APLP2: variants seen among roughly 807,000 people sequenced by gnomAD.
The protein encoded by APLP2 is amyloid beta precursor like protein 2.
In APLP2, 53 loss-of-function variants were observed where a neutral mutation model predicts 89.9. The ratio of observed to expected loss-of-function variants is 0.59; its 90% confidence interval spans 0.47 to 0.74. The LOEUF (loss-of-function observed/expected upper bound fraction) is 0.74, where lower values mean the gene tolerates loss of function less well. APLP2 is among the 30% of genes least tolerant of loss of function. The probability of loss-of-function intolerance (pLI) is 0.00; values close to 1 mark genes in which losing one functional copy is unlikely to be tolerated. For synonymous variants in APLP2, 372 were observed against 348.6 expected, an observed-to-expected ratio of 1.07 and a Z score of -0.75; for missense variants, 973 against 975.9, an observed-to-expected ratio of 1.00 and a Z score of 0.04.
At position 130,109,548 on chromosome 11, in the gene APLP2, A is replaced by G. The variant is rs1450738372; in HGVS notation, c.225A>G (p.Thr75=). ...IQTGKWEPDP[T]GTKSCFETKE... ...CTGGGAAATGGGAACCTGATCCAACAGGCACCAAGAGCTGCTTTGAAACAA... is the reference window on the plus strand; with the variant it reads ...CTGGGAAATGGGAACCTGATCCAACGGGCACCAAGAGCTGCTTTGAAACAA... The change falls in exon 2 of 17, where the codon ACA becomes ACG. Residue 75 remains threonine (T), a synonymous_variant. Coordinates refer to ENST00000338167, the MANE Select transcript of APLP2 (RefSeq NM_001142276.2). 2 of 1,613,516 alleles carry G rather than the reference A, an allele frequency of 1.2e-6. No individual in the cohort carries two copies. Among genetic ancestry groups the G allele is most frequent in the Admixed American group, 1.7e-5 (1 of 59,920 alleles).
intron 7 of APLP2, among the ~76,000 whole-genome samples, chr11:130,125,423 T>C (rs572649643): frequency 6.0e-4 from 92 of 152,288 alleles, no homozygotes; most frequent in South Asian, 5.6e-3. Context: ...CCACTGAACT[T>C]GCGAGTGTCT....
intron 9 of APLP2, among the ~76,000 whole-genome samples, chr11:130,128,230 A>T (rs1950583132): frequency 6.6e-6 from 1 of 152,182 alleles, no homozygotes; most frequent in Non-Finnish European, 1.5e-5. Context: ...TTCATCTCTA[A>T]CTTTGTAGAC....
chr11:130,122,873 G>A (rs895996972), intron 6 of APLP2, among the ~76,000 whole-genome samples: 1 of 152,236 alleles, frequency 6.6e-6, no homozygotes, highest in East Asian at 1.9e-4. Context: ...AATAGAAATG[G>A]TTTTCTTGGT....
intron 1 of APLP2, among the ~76,000 whole-genome samples, chr11:130,091,003 C>A (rs1198298317): frequency 1.0e-4 from 15 of 148,312 alleles, no homozygotes; most frequent in Non-Finnish European, 2.0e-4. Context: ...CCGACCCCCC[C>A]ACCTCCCTCC....
rs1952423938 is a variant in APLP2 at position 130,141,753 on chromosome 11, AG to A, written c.1999-165del. The A allele has an allele frequency of 6.4e-6, 6 of 936,262 alleles. No homozygotes were observed. The highest frequency in any genetic ancestry group is 9.5e-6 in the Non-Finnish European group (6 of 630,192). The allele number at this position is 936,262 out of a possible 1,614,324, so 58.0% of individuals were successfully genotyped here. A position where few individuals can be genotyped will look rare whatever the true frequency, so the allele number is the denominator to read the frequency against. ...TAAAATCTCCATGGAGATTGGGAAG[AG>A]TGGGCGTTCTCCACCTGTGGGTGGT... On this transcript the variant is annotated intron_variant, in intron 15 of 16. Coordinates refer to ENST00000338167, the MANE Select transcript of APLP2 (RefSeq NM_001142276.2). The surrounding 1 kb of genome is among the most constrained non-coding windows in gnomAD (Gnocchi z 4.2).
At chr11:130,086,430 G>A (rs956172816) in intron 1 of APLP2, among the ~76,000 whole-genome samples, 2 of 152,170 alleles carry the variant, frequency 1.3e-5, no homozygotes, top group African/African-American at 4.8e-5. Flanking sequence ...ATGTTAATTA[G>A]ATATGTGATT....
rs569032046 is a variant in APLP2, at chr11:130,105,758, C to T, written c.106-3671C>T. Among the ~76,000 whole-genome samples, 4 of 139,822 alleles carry T rather than the reference C, an allele frequency of 2.9e-5. No homozygotes were observed. The South Asian group carries it at 8.8e-4, about 31-fold the overall frequency. The allele number at this position is 139,822 out of a possible 152,430, so 91.7% of individuals were successfully genotyped here. A position where few individuals can be genotyped will look rare whatever the true frequency, so the allele number is the denominator to read the frequency against. Reference sequence around the variant, plus strand: ...CGCTCTTGTTGCCCAGGCTGGAGTGCAATGGTGTGATCTCTGCTCACCGCA... The same window carrying T: ...CGCTCTTGTTGCCCAGGCTGGAGTGTAATGGTGTGATCTCTGCTCACCGCA... On this transcript the variant is annotated intron_variant, in intron 1 of 16. Transcript: ENST00000338167.
chr11:130,135,866 G>T (rs1176261281), intron 13 of APLP2, 151 bp downstream of exon 13: 2 of 911,862 alleles, frequency 2.2e-6, no homozygotes, highest in Non-Finnish European at 3.3e-6. Flanking sequence ...AGCGCCTACT[G>T]TGTGCAAGGA....
intron 3 of APLP2, among the ~76,000 whole-genome samples, chr11:130,112,491 T>G (rs935811290): frequency 6.6e-6 from 1 of 152,340 alleles, no homozygotes; most frequent in Non-Finnish European, 1.5e-5. Context: ...ACAGTACTTA[T>G]TAAGTTGTTG....
chr11:130,133,678 C>A lies in APLP2; in HGVS notation c.1634C>A (p.Ser545Tyr). Reference sequence around the variant, plus strand: ...GAAGAAAGGAGGAACCAAAGCCTCTCTCTGCTCTACAAAGTACCTTATGTA... The same window carrying A: ...GAAGAAAGGAGGAACCAAAGCCTCTATCTGCTCTACAAAGTACCTTATGTA... ...VIEERRNQSL[S>Y]LLYKVPYVAQ... The change falls in exon 12 of 17, where the codon TCT (serine) becomes TAT (tyrosine). Residue 545 changes from serine to tyrosine, a missense_variant. Ser to Tyr is a moderately radical substitution (Grantham distance 144). Transcript: ENST00000338167. The A allele has an allele frequency of 6.2e-7, 1 of 1,614,202 alleles. No individual in the cohort carries two copies. The highest frequency in any genetic ancestry group is 8.5e-7 in the Non-Finnish European group (1 of 1,180,014).
At position 130,141,937 on chromosome 11, in the gene APLP2, C is replaced by T. The variant is rs767403249; in HGVS notation, c.2017C>T (p.Arg673Trp). Reference sequence around the variant, plus strand: ...TACGTAGGAATCCGTGGGCCCACTGCGGGAGGACTTCAGTCTGAGTAGCAG... The same window carrying T: ...TACGTAGGAATCCGTGGGCCCACTGTGGGAGGACTTCAGTCTGAGTAGCAG... ...EEERESVGPL[R>W]EDFSLSSSAL... The change falls in exon 16 of 17, where the codon CGG becomes TGG. Residue 673 changes from arginine (R) to tryptophan (W), a missense_variant. Arg to Trp is a moderately radical substitution (Grantham distance 101). Transcript: ENST00000338167. This position sits in a 1 kb window ranked among gnomAD's most constrained non-coding sequence, Gnocchi z 4.2. 18 of 1,606,958 alleles carry T rather than the reference C, an allele frequency of 1.1e-5. No homozygotes were observed. Among genetic ancestry groups the T allele is most frequent in the Non-Finnish European group, 1.4e-5 (16 of 1,174,480 alleles).
intron 1 of APLP2, among the ~76,000 whole-genome samples, chr11:130,099,805 G>A (rs1255092753): frequency 6.6e-6 from 1 of 152,180 alleles, no homozygotes; most frequent in Admixed American, 6.5e-5. Flanking sequence ...TGCACCTCGG[G>A]TTCAAGCCCC....
At chr11:130,120,304 G>A (rs771975606) in intron 3 of APLP2, among the ~76,000 whole-genome samples, 3 of 152,156 alleles carry the variant, frequency 2.0e-5, no homozygotes, top group Non-Finnish European at 2.9e-5. Flanking sequence ...TACTTGAGTA[G>A]AACACCTGGT....
chr11:130,126,120 C>A (rs1950342310), intron 7 of APLP2, among the ~76,000 whole-genome samples: 1 of 152,218 alleles, frequency 6.6e-6, no homozygotes. Context: ...GAGTCCTTCA[C>A]TGATACTGAA....
chr11:130,070,476 C>G, intron 1 of APLP2: 1 of 1,105,764 alleles, frequency 9.0e-7, no homozygotes, highest in Non-Finnish European at 1.1e-6. Flanking sequence ...GGGCTTTCTC[C>G]AGGGGCGGCC....
rs1316924193 is a variant in APLP2 at position 130,092,208 on chromosome 11, G to T, written c.106-17221G>T. On this transcript the variant is annotated intron_variant, in intron 1 of 16. Coordinates refer to ENST00000338167, the MANE Select transcript of APLP2 (RefSeq NM_001142276.2). ...TCCTCACTTCCTAGATGGGATGGCGGCTGGGCGGAGACGCTCCTCACTTTC... is the reference window on the plus strand; with the variant it reads ...TCCTCACTTCCTAGATGGGATGGCGTCTGGGCGGAGACGCTCCTCACTTTC... Among the ~76,000 whole-genome samples the T allele has an allele frequency of 2.2e-3, 305 of 141,354 alleles. 7 individuals are homozygous for T. The highest frequency in any genetic ancestry group is 3.3e-3 in the Non-Finnish European group (218 of 65,864). 92.7% of individuals were successfully genotyped at this position (141,354 alleles called of 152,430 possible).
intron 12 of APLP2, 133 bp from the exon 13 acceptor site, chr11:130,135,430 C>T (rs959207707): frequency 9.3e-7 from 1 of 1,075,154 alleles, no homozygotes; most frequent in Non-Finnish European, 1.3e-6. Context: ...CTCTGTGGTG[C>T]CACAGAATCA....
chr11:130,070,006 C>T lies in APLP2; in HGVS notation c.29C>T (p.Ala10Val). The T allele has an allele frequency of 6.6e-7, 1 of 1,506,608 alleles. No individual in the cohort carries two copies. Among genetic ancestry groups the T allele is most frequent in the Non-Finnish European group, 8.8e-7 (1 of 1,133,234 alleles). The allele number at this position is 1,506,608 out of a possible 1,614,324, so 93.3% of individuals were successfully genotyped here. A position where few individuals can be genotyped will look rare whatever the true frequency, so the allele number is the denominator to read the frequency against. Residue 10 changes from alanine to valine, a missense_variant, in exon 1 of 17, where the codon GCA becomes GTA. Transcript: ENST00000338167. ...GCGGCCACCGGGACCGCGGCCGCCG[C>T]AGCCACGGGCAGGCTCCTGCTTCTG... is the stretch of plus-strand genomic sequence containing the variant. MAATGTAAAAATGRLLLLLL... is the reference protein window; with the variant it reads MAATGTAAAVATGRLLLLLL...
At chr11:130,072,451 T>C (rs901293824) in intron 1 of APLP2, among the ~76,000 whole-genome samples, 3 of 150,786 alleles carry the variant, frequency 2.0e-5, no homozygotes, top group Admixed American at 6.6e-5. Flanking sequence ...GAAACCTTGG[T>C]GTGCTTCTGA....
Sources: allele counts gnomAD v4.1 joint callset (sites outside exome capture counted in the v4.1 genomes callset), GRCh38; gene constraint gnomAD v4.1.1; non-coding constraint Gnocchi (gnomAD v3.1); transcripts MANE v1.5; gene names NCBI Gene and HGNC (gene_info 2026-07-23, HGNC 2026-07-21).